The following DDX10 variants were observed in gnomAD, a reference collection of about 807,000 sequenced individuals.
DDX10 encodes DEAD-box helicase 10.
DDX10 carries 74 observed loss-of-function variants against 104.3 expected under a neutral mutation model. The ratio of observed to expected loss-of-function variants is 0.71; its 90% CI spans 0.59 to 0.86. The LOEUF (loss-of-function observed/expected upper bound fraction) is 0.86. Among genes scored for constraint, DDX10 ranks in the 40% least tolerant of loss-of-function variants. The probability of loss-of-function intolerance (pLI) is 0.00; values close to 1 mark genes in which losing one functional copy is unlikely to be tolerated. For synonymous variants in DDX10, 351 were observed against 353.4 expected (o/e 0.99, Z 0.08); for missense variants, 952 against 1,040.0 (o/e 0.92, Z 1.16).
intron 16 of DDX10, among the ~76,000 whole-genome samples, chr11:108,879,222 G>T (rs369944657): frequency 1.3e-5 from 2 of 152,022 alleles, no homozygotes; most frequent in African/African-American, 4.8e-5. Context: ...GGATGATCTC[G>T]ATCTTCTGAC....
chr11:108,753,521 C>T (rs11212775), intron 13 of DDX10, among the ~76,000 whole-genome samples: 8,120 of 151,966 alleles, frequency 0.053, 722 homozygotes, highest in African/African-American at 0.18. Context: ...CTCAAATGGC[C>T]GTTCTCCCTC....
Position 108,780,840 on chromosome 11 carries a change from A to G in DDX10, c.1965+57378A>G, listed in dbSNP as rs140013339. On this transcript the variant is annotated intron_variant, in intron 13 of 17. Transcript: ENST00000322536. ...AATTCTCAAGAGGAATGAATTTTAA[A>G]TGCAGCTTACAATGTGGTGACAGCT... 2.9e-3 allele frequency among the ~76,000 whole-genome samples: 441 copies of G among 152,344 alleles called. 1 individual carries two copies. The highest frequency in any genetic ancestry group is 4.5e-3 in the Non-Finnish European group (309 of 68,022).
chr11:108,729,455 C>T (rs1033392609), intron 13 of DDX10, among the ~76,000 whole-genome samples: 5 of 152,142 alleles, frequency 3.3e-5, no homozygotes, highest in African/African-American at 7.2e-5. Context: ...TCAGTGGCAT[C>T]GTCTCACAAG....
intron 17 of DDX10, chr11:108,919,262 A>G (rs777290112): frequency 6.6e-6 from 1 of 152,146 alleles, no homozygotes; most frequent in Non-Finnish European, 1.5e-5. Flanking sequence ...GGTAGTGGAC[A>G]TCATTGTTTT....
At chr11:108,918,803 TG>T (rs1298979801) in intron 17 of DDX10, 1 of 152,242 alleles carries the variant, frequency 6.6e-6, no homozygotes, top group Non-Finnish European at 1.5e-5. Context: ...CAGAGTACTA[TG>T]TATTAGATTA....
intron 13 of DDX10, among the ~76,000 whole-genome samples, chr11:108,779,000 C>T (rs1341050732): frequency 6.6e-6 from 1 of 152,198 alleles, no homozygotes; most frequent in Non-Finnish European, 1.5e-5. Context: ...CCATCTCACA[C>T]CAGTTAGAAT....
chr11:108,683,264 A>G (rs2094238071), intron 6 of DDX10, among the ~76,000 whole-genome samples: 1 of 151,894 alleles, frequency 6.6e-6, no homozygotes. Flanking sequence ...GTTTTTCCTC[A>G]TTTTGACTTA....
chr11:108,671,986 G>A (rs935385792), intron 1 of DDX10, among the ~76,000 whole-genome samples: 3 of 150,214 alleles, frequency 2.0e-5, no homozygotes, highest in Non-Finnish European at 4.4e-5. Context: ...GCGTGAACCC[G>A]GGAGGTGGAG....
intron 13 of DDX10, among the ~76,000 whole-genome samples, chr11:108,824,430 TTTAC>T (rs1862368485): frequency 6.6e-6 from 1 of 152,232 alleles, no homozygotes; most frequent in African/African-American, 2.4e-5. Context: ...ACAAGTTATC[TTTAC>T]TTTTAATGTT....
Position 108,709,275 on chromosome 11 carries a change from G to C in DDX10, c.1322+2438G>C, listed in dbSNP as rs183165018. Among the ~76,000 whole-genome samples the C allele has an allele frequency of 4.6e-5, 7 of 152,304 alleles. No individual in the cohort carries two copies. The East Asian group carries it at 1.2e-3, about 25-fold the overall frequency. On this transcript the variant is annotated intron_variant, in intron 10 of 17. Transcript: ENST00000322536. ...CTATCATTATGAGTGATATTGGTCT[G>C]TAGTTTTTTCTCCCCTGTAGTGGCC...
intron 13 of DDX10, among the ~76,000 whole-genome samples, chr11:108,837,312 G>A (rs1158506277): frequency 1.3e-5 from 2 of 152,106 alleles, no homozygotes; most frequent in African/African-American, 4.8e-5. Context: ...TTCTTATTCT[G>A]TCTAATGGAA....
At chr11:108,796,845 G>T (rs1861947770) in intron 13 of DDX10, among the ~76,000 whole-genome samples, 1 of 152,078 alleles carries the variant, frequency 6.6e-6, no homozygotes, top group Non-Finnish European at 1.5e-5. Context: ...GTGTGAGTGG[G>T]TTTCCTAAAA....
At chr11:108,745,236 T>TTTCC (rs1565265602) in intron 13 of DDX10, among the ~76,000 whole-genome samples, 9 of 130,604 alleles carry the variant, frequency 6.9e-5, no homozygotes, top group African/African-American at 2.4e-4. Context: ...CTTCCCTTTC[T>TTTCC]CTTTCCCTTC....
rs145457636 is a variant in DDX10 at position 108,694,987 on chromosome 11, C to G, written c.1223+1387C>G. Reference sequence around the variant, plus strand: ...AATGAATCAAAAAGGATTACACAATCTGTCATTGCTGTTAAGCTGTAGCAG... The same window carrying G: ...AATGAATCAAAAAGGATTACACAATGTGTCATTGCTGTTAAGCTGTAGCAG... On this transcript the variant is annotated intron_variant, in intron 9 of 17. Transcript: ENST00000322536. Among the ~76,000 whole-genome samples the G allele has an allele frequency of 1.2e-4, 19 of 152,202 alleles. No homozygotes were observed. The East Asian group carries it at 3.7e-3, about 29-fold the overall frequency.
chr11:108,814,832 T>C (rs530696795), intron 13 of DDX10, among the ~76,000 whole-genome samples: 1 of 152,334 alleles, frequency 6.6e-6, no homozygotes, highest in African/African-American at 2.4e-5. Flanking sequence ...AATTTACCCA[T>C]GTTTAGTGCC....
chr11:108,915,258 A>G (rs1047862797), intron 16 of DDX10, among the ~76,000 whole-genome samples: 1 of 152,172 alleles, frequency 6.6e-6, no homozygotes, highest in African/African-American at 2.4e-5. Flanking sequence ...GCCAGAGGAA[A>G]ATGATACTTG....
chr11:108,891,513 C>T (rs1863376163), intron 16 of DDX10, among the ~76,000 whole-genome samples: 1 of 152,130 alleles, frequency 6.6e-6, no homozygotes, highest in African/African-American at 2.4e-5. Flanking sequence ...TGGACCTTCT[C>T]AAATTATATA....
chr11:108,813,825 T>C (rs1347677804), intron 13 of DDX10, among the ~76,000 whole-genome samples: 1 of 152,210 alleles, frequency 6.6e-6, no homozygotes, highest in Non-Finnish European at 1.5e-5. Flanking sequence ...TTAGTCAATC[T>C]TTTCTACTGA....
chr11:108,888,217 A>C (rs190789159), intron 16 of DDX10, among the ~76,000 whole-genome samples: 47 of 152,252 alleles, frequency 3.1e-4, no homozygotes, highest in African/African-American at 1.1e-3. Context: ...CATAAAAAAA[A>C]CCTCTCTGTA....
Sources: gnomAD v4.1 joint callset for allele counts (sites outside exome capture counted in the v4.1 genomes callset) on GRCh38, gnomAD v4.1.1 for gene constraint, MANE v1.5 for transcripts, NCBI Gene and HGNC (gene_info 2026-07-23, HGNC 2026-07-21) for gene names.